The following LHX1 variants were observed in gnomAD, a reference collection of about 807,000 sequenced individuals.
LHX1 encodes LIM homeobox 1.
A neutral mutation model predicts 34.1 loss-of-function variants in LHX1; 9 were observed. The observed-to-expected ratio is 0.26, with a 90% CI of 0.16 to 0.46. The LOEUF is 0.46. Ranked by LOEUF, LHX1 falls within the 20% of genes least tolerant of loss-of-function variation. The pLI, the probability that LHX1 is intolerant of heterozygous loss-of-function variation, is 1.00. For missense variants in LHX1, 446 were observed against 559.1 expected (o/e 0.80, Z 2.04); for synonymous variants, 254 against 241.5 (o/e 1.05, Z -0.48).
At chr17:36,939,963 C>G (rs930052606) in intron 1 of LHX1, 10 of 525,064 alleles carry the variant, frequency 1.9e-5, no homozygotes, top group African/African-American at 1.7e-4. Flanking sequence ...CTTCTTTAGA[C>G]GATGCATCTT....
Position 36,937,910 on chromosome 17 carries a change from C to T in LHX1, c.-288C>T, listed in dbSNP as rs1282422664. 1 of 598,644 alleles carries T rather than the reference C, an allele frequency of 1.7e-6. No homozygotes were observed. The highest frequency in any genetic ancestry group is 1.9e-5 in the African/African-American group (1 of 53,820). 37.1% of individuals were successfully genotyped at this position (598,644 alleles called of 1,614,324 possible). A position where few individuals can be genotyped will look rare whatever the true frequency, so the allele number is the denominator to read the frequency against. On this transcript the variant is annotated 5_prime_UTR_variant, in exon 1 of 5. Coordinates refer to ENST00000614239, the MANE Select transcript of LHX1 (RefSeq NM_005568.5). ...GCAGAAGGGTCGCATTCTCTCCCGC[C>T]TGAGACTTCTTTTCCTCGCCCCGGG...
intron 3 of LHX1, 93 bp from the exon 4 acceptor site, chr17:36,942,092 CGCGCGGTGTCGGCTA>C: frequency 8.6e-7 from 1 of 1,163,258 alleles, no homozygotes; most frequent in South Asian, 1.3e-5. Context: ...CAAGCGCGCG[CGCGCGGTGTCGGCTA>C]GCCAGGCGGT....
chr17:36,942,650 G>GAT, intron 4 of LHX1, 102 bp from the exon 5 acceptor site: 2 of 1,268,818 alleles, frequency 1.6e-6, no homozygotes, highest in Non-Finnish European at 1.1e-6. Context: ...AGTTCCCCGC[G>GAT]CGGCCTTCCT....
At chr17:36,942,677 C>G (rs1389219302) in intron 4 of LHX1, 75 bp from the exon 5 acceptor site, 16 of 1,390,394 alleles carry the variant, frequency 1.2e-5, no homozygotes, top group South Asian at 1.5e-5. Flanking sequence ...GCCGAGGTCG[C>G]GTCTTCCCTC....
At chr17:36,941,548 C>T (rs2070765169) in intron 3 of LHX1, 2 of 248,096 alleles carry the variant, frequency 8.1e-6, no homozygotes, top group South Asian at 4.6e-5. Flanking sequence ...GGCCTGATGC[C>T]CTGCGTGGCT....
chr17:36,941,050 G>T (rs1033142207), intron 3 of LHX1, 163 bp downstream of exon 3: 4 of 1,080,302 alleles, frequency 3.7e-6, no homozygotes, highest in Non-Finnish European at 5.5e-6. Flanking sequence ...TGAAATGCCT[G>T]ATGCCTTCGA....
chr17:36,938,915 C>T (rs1382293581), intron 1 of LHX1: 1 of 235,134 alleles, frequency 4.3e-6, no homozygotes, highest in East Asian at 1.1e-4. Flanking sequence ...GGGGTCTTCC[C>T]CAAACCCGGA....
At position 36,937,857 on chromosome 17, in the gene LHX1, C is replaced by T. The variant is rs1237677537; in HGVS notation, c.-341C>T. Reference sequence around the variant, plus strand: ...ATTTCCGTTCCCGCCGCCGTTCTCGCTGACCTTCACTCCTCCGCGGGCTCT... The same window carrying T: ...ATTTCCGTTCCCGCCGCCGTTCTCGTTGACCTTCACTCCTCCGCGGGCTCT... On this transcript the variant is annotated 5_prime_UTR_variant, in exon 1 of 5. Transcript: ENST00000614239. The T allele has an allele frequency of 3.4e-6, 2 of 593,224 alleles. No homozygotes were observed. Among genetic ancestry groups the T allele is most frequent in the Non-Finnish European group, 6.3e-6 (2 of 315,972 alleles). 36.7% of individuals were successfully genotyped at this position (593,224 alleles called of 1,614,324 possible). A position where few individuals can be genotyped will look rare whatever the true frequency, so the allele number is the denominator to read the frequency against.
chr17:36,940,730 A>T lies in LHX1; in HGVS notation c.518A>T (p.Asp173Val). 1.2e-6 allele frequency: 2 copies of T among 1,613,712 alleles called. No homozygotes were observed. ...DKEAGSNEND[D>V]QNLGAKRRGP... ...GAAGCGGGTAGCAACGAGAATGACG[A>T]CCAGAACCTGGGCGCCAAGCGGCGG... The change falls in exon 3 of 5, where the codon GAC becomes GTC. Residue 173 changes from aspartate to valine, a missense_variant. Asp to Val is a radical substitution (Grantham distance 152). Transcript: ENST00000614239.
rs567338850 is a variant in LHX1, at chr17:36,938,430, G to A, written c.170+63G>A. ...CCGCGGGCCCTTCCCGGCCAGCTTC[G>A]GATCAGAGGTTAGCGTGGCCTCGCT... On this transcript the variant is annotated intron_variant, in intron 1 of 4. Coordinates refer to ENST00000614239, the MANE Select transcript of LHX1 (RefSeq NM_005568.5). The A allele has an allele frequency of 9.4e-5, 144 of 1,535,236 alleles. 1 individual carries two copies. The South Asian group carries it at 1.5e-3, about 16-fold the overall frequency.
chr17:36,941,263 C>T (rs933797611), intron 3 of LHX1: 19 of 479,676 alleles, frequency 4.0e-5, no homozygotes, highest in Non-Finnish European at 6.2e-5. Context: ...GTCAATCAGT[C>T]CCTCTGCCTT....
In LHX1 at chr17:36,940,285, C is replaced by CCCCCCCCCCT; in HGVS notation, c.171-5_171-4insCCCCCCCCCT. 7.5e-7 allele frequency: 1 copy of CCCCCCCCCCT among 1,339,888 alleles called. No individual in the cohort carries two copies. The highest frequency in any genetic ancestry group is 2.6e-5 in the East Asian group (1 of 37,850). 83.0% of individuals were successfully genotyped at this position (1,339,888 alleles called of 1,614,324 possible). A position where few individuals can be genotyped will look rare whatever the true frequency, so the allele number is the denominator to read the frequency against. ...CCCCCGCCCCCCACCCCCACCCCCCCGCAGGTGTTTCGGTACCAAATGCGC... is the reference window on the plus strand; with the variant it reads ...CCCCCGCCCCCCACCCCCACCCCCCCCCCCCCCCCTGCAGGTGTTTCGGTACCAAATGCGC... On this transcript the variant is annotated splice_region_variant and splice_polypyrimidine_tract_variant and intron_variant, in intron 1 of 4. Transcript: ENST00000614239.
intron 4 of LHX1, 92 bp from the exon 5 acceptor site, chr17:36,942,660 T>C: frequency 7.4e-7 from 1 of 1,350,822 alleles, no homozygotes; most frequent in South Asian, 1.6e-5. Context: ...GCGGCCTTCC[T>C]CAGCCCGCCG....
Position 36,942,354 on chromosome 17 carries a change from CCTT to C in LHX1, c.833_835del (p.Phe278del). On this transcript the variant is annotated inframe_deletion, in exon 4 of 5. Coordinates refer to ENST00000614239, the MANE Select transcript of LHX1 (RefSeq NM_005568.5). ...GAGCTCATCCCCAATGGTCCCTTCT[CCTT>C]CTACGGAGGTGGGTGCGCGCCGAAT... 1 of 1,584,640 alleles carries C rather than the reference CCTT, an allele frequency of 6.3e-7. No homozygotes were observed. Among genetic ancestry groups the C allele is most frequent in the Non-Finnish European group, 8.6e-7 (1 of 1,166,412 alleles).
intron 3 of LHX1, chr17:36,941,165 T>C: frequency 2.9e-6 from 2 of 696,538 alleles, no homozygotes; most frequent in Non-Finnish European, 5.2e-6. Context: ...TGTTGAACAC[T>C]CTGGAGAGAG....
chr17:36,942,146 C>G, intron 3 of LHX1, 54 bp from the exon 4 acceptor site: 1 of 1,542,096 alleles, frequency 6.5e-7, no homozygotes, highest in Non-Finnish European at 8.7e-7. Flanking sequence ...CCCGGAGCAC[C>G]CCGGGGTCGG....
Position 36,938,189 on chromosome 17 carries a change from C to T in LHX1, c.-9C>T. The T allele has an allele frequency of 6.2e-7, 1 of 1,613,318 alleles. No homozygotes were observed. The highest frequency in any genetic ancestry group is 8.5e-7 in the Non-Finnish European group (1 of 1,180,020). On this transcript the variant is annotated 5_prime_UTR_variant, in exon 1 of 5. Transcript: ENST00000614239. ...TCTCTCTGGGCCTCATCAGACCAAA[C>T]CAAAGACCATGGTTCACTGTGCCGG... is the stretch of plus-strand genomic sequence containing the variant.
In LHX1 at chr17:36,940,297, G is replaced by A; in HGVS notation, c.178G>A (p.Gly60Ser). ...ACCCCCACCCCCCCGCAGGTGTTTC[G>A]GTACCAAATGCGCAGGCTGCGCTCA... ...YCKNDFFRCF[G>S]TKCAGCAQGI... The change falls in exon 2 of 5, where the codon GGT becomes AGT. Residue 60 changes from glycine to serine, a missense_variant. Transcript: ENST00000614239. 1 of 1,474,814 alleles carries A rather than the reference G, an allele frequency of 6.8e-7. No individual in the cohort carries two copies. The highest frequency in any genetic ancestry group is 9.0e-7 in the Non-Finnish European group (1 of 1,112,254). The allele number at this position is 1,474,814 out of a possible 1,614,324, so 91.4% of individuals were successfully genotyped here. A position where few individuals can be genotyped will look rare whatever the true frequency, so the allele number is the denominator to read the frequency against.
Position 36,943,145 on chromosome 17 carries a change from G to C in LHX1, c.*14G>C. The C allele has an allele frequency of 1.2e-6, 2 of 1,611,678 alleles. No homozygotes were observed. The highest frequency in any genetic ancestry group is 8.5e-7 in the Non-Finnish European group (1 of 1,179,520). On this transcript the variant is annotated 3_prime_UTR_variant, in exon 5 of 5. Coordinates refer to ENST00000614239, the MANE Select transcript of LHX1 (RefSeq NM_005568.5). ...GCCGTGTGGTAGCGGGGTCTCGCAC[G>C]GTCTGCGGAGTTCGTGGTTGTACAG...
Sources: allele counts gnomAD v4.1 joint callset, GRCh38; gene constraint gnomAD v4.1.1; transcripts MANE v1.5; gene names NCBI Gene and HGNC (gene_info 2026-07-23, HGNC 2026-07-21).